The following MMP28 variants were observed in gnomAD, a reference collection of about 807,000 sequenced individuals.
MMP28 encodes the protein matrix metallopeptidase 28, also known as matrix metalloproteinase-28.
A neutral mutation model predicts 60.5 loss-of-function variants in MMP28; 55 were observed. The observed-to-expected ratio is 0.91, with a 90% CI of 0.73 to 1.14. The LOEUF is 1.14. MMP28 is among the 50% of genes most tolerant of loss of function. The probability of loss-of-function intolerance (pLI) is 0.00; values close to 1 mark genes in which losing one functional copy is unlikely to be tolerated. For synonymous variants in MMP28, 318 were observed against 312.5 expected (o/e 1.02, Z -0.18); for missense variants, 686 against 738.3 (o/e 0.93, Z 0.82).
chr17:35,779,977 G>A (rs1555608930), intron 1 of MMP28, among the ~76,000 whole-genome samples: 3 of 152,160 alleles, frequency 2.0e-5, no homozygotes, highest in Admixed American at 2.0e-4. Context: ...TGCTAGCTCT[G>A]CCATGGCTGG....
chr17:35,774,384 G>C (rs1269663101), intron 3 of MMP28, among the ~76,000 whole-genome samples: 3 of 152,186 alleles, frequency 2.0e-5, no homozygotes, highest in Non-Finnish European at 4.4e-5. Context: ...TGGTAACTGA[G>C]ACCTGAGACC....
intron 3 of MMP28, 167 bp downstream of exon 3, chr17:35,778,721 T>TCA: frequency 1.4e-6 from 2 of 1,436,788 alleles, no homozygotes; most frequent in South Asian, 2.9e-5. Context: ...AATGTCTGTA[T>TCA]TCACAATCAT....
At chr17:35,763,766 G>A (rs2085871993), downstream of MMP28, among the ~76,000 whole-genome samples, 1 of 151,846 alleles carries the variant, frequency 6.6e-6, no homozygotes, top group Non-Finnish European at 1.5e-5. Flanking sequence ...GCGCAGCGGG[G>A]CGTGCCTGTA....
At chr17:35,777,188 C>T (rs1187674196) in intron 3 of MMP28, among the ~76,000 whole-genome samples, 1 of 152,258 alleles carries the variant, frequency 6.6e-6, no homozygotes, top group Non-Finnish European at 1.5e-5. Flanking sequence ...TGGCCCAGGC[C>T]ACACAGCTGA....
chr17:35,788,895 G>C (rs981470718), intron 1 of MMP28, among the ~76,000 whole-genome samples: 3 of 152,264 alleles, frequency 2.0e-5, no homozygotes, highest in South Asian at 4.2e-4. Flanking sequence ...AATGGGAGTG[G>C]GGGACAGGGT....
At chr17:35,783,205 A>G (rs2086556638) in intron 1 of MMP28, among the ~76,000 whole-genome samples, 1 of 152,242 alleles carries the variant, frequency 6.6e-6, no homozygotes. Context: ...TTTATTCTTG[A>G]TCTTATTCAG....
chr17:35,778,735 C>T (rs2086405214), intron 3 of MMP28, 153 bp downstream of exon 3: 2 of 1,492,098 alleles, frequency 1.3e-6, no homozygotes, highest in Non-Finnish European at 8.9e-7. Context: ...CAATCATGGT[C>T]CTCAAGCCAA....
At chr17:35,759,476 CAGATTA>C (rs782299374) in intron 2 of MMP28, among the ~76,000 whole-genome samples, 48 of 152,118 alleles carry the variant, frequency 3.2e-4, no homozygotes, top group Non-Finnish European at 5.9e-4. Context: ...CCGAGACGGG[CAGATTA>C]CGACGTCAGG....
rs143842259 is a variant in MMP28 at position 35,775,941 on chromosome 17, C to T, written c.380-2537G>A. 9.8e-3 allele frequency among the ~76,000 whole-genome samples: 1,460 copies of T among 149,636 alleles called. 24 individuals are homozygous for T. Among genetic ancestry groups the T allele is most frequent in the African/African-American group, 0.034 (1,364 of 40,636 alleles). ...CAGGCTGGAGTGCAGTGGTGCCATC[C>T]GGGCTCACTGCAAGCTCTGCCTCCC... On this transcript the variant is annotated intron_variant, in intron 3 of 7. Transcript: ENST00000605424.
chr17:35,785,989 CTA>C (rs1176428211), intron 1 of MMP28, among the ~76,000 whole-genome samples: 1 of 151,784 alleles, frequency 6.6e-6, no homozygotes, highest in Non-Finnish European at 1.5e-5. Flanking sequence ...ATTTTTACCT[CTA>C]TGTTCATGGA....
chr17:35,766,092 T>G lies in MMP28; in HGVS notation c.*408A>C. 1.0e-6 allele frequency: 1 copy of G among 998,178 alleles called. No homozygotes were observed. Among genetic ancestry groups the G allele is most frequent in the Non-Finnish European group, 1.2e-6 (1 of 838,430 alleles). 61.8% of individuals were successfully genotyped at this position (998,178 alleles called of 1,614,324 possible). On this transcript the variant is annotated 3_prime_UTR_variant, in exon 8 of 8. Transcript: ENST00000605424. The surrounding 1 kb of genome is among the most constrained non-coding windows in gnomAD (Gnocchi z 4.3). ...TTTCAAGAACTGAGCCAGGGGGTCC[T>G]GAGGAGAAGGGCACAGTCTTGCAAA...
chr17:35,767,930 A>C lies in MMP28; in HGVS notation c.1001-11T>G. 6.4e-7 allele frequency: 1 copy of C among 1,565,856 alleles called. No homozygotes were observed. Among genetic ancestry groups the C allele is most frequent in the Non-Finnish European group, 8.7e-7 (1 of 1,155,908 alleles). On this transcript the variant is annotated splice_polypyrimidine_tract_variant and intron_variant, in intron 6 of 7. Transcript: ENST00000605424. ...GTTGCTGTTGCCTGTCTGCCCAGAG[A>C]CAAGAGAGAGTTGAGGAGTGACCAT...
downstream of MMP28, chr17:35,764,157 G>A (rs1555602148): frequency 1.3e-6 from 2 of 1,549,090 alleles, no homozygotes; most frequent in Admixed American, 2.0e-5. Flanking sequence ...GAGCCGCCGC[G>A]GGTAGCGGAG....
At chr17:35,773,754 A>G (rs1179017318) in intron 3 of MMP28, among the ~76,000 whole-genome samples, 1 of 152,192 alleles carries the variant, frequency 6.6e-6, no homozygotes, top group African/African-American at 2.4e-5. Flanking sequence ...TCTTCCCCAC[A>G]GCCTGGGCTG....
Position 35,766,036 on chromosome 17 carries a change from G to C in MMP28, c.*464C>G, listed in dbSNP as rs1555602971. On this transcript the variant is annotated 3_prime_UTR_variant, in exon 8 of 8. Coordinates refer to ENST00000605424, the MANE Select transcript of MMP28 (RefSeq NM_024302.5). This position sits in a 1 kb window ranked among gnomAD's most constrained non-coding sequence, Gnocchi z 4.3. ...TTCATCCCCATCCATGCTTCCTGGGGGTGGGGCCTCTGACTAAATATGACA... is the reference window on the plus strand; with the variant it reads ...TTCATCCCCATCCATGCTTCCTGGGCGTGGGGCCTCTGACTAAATATGACA... 1 of 985,286 alleles carries C rather than the reference G, an allele frequency of 1.0e-6. No individual in the cohort carries two copies. The highest frequency in any genetic ancestry group is 1.7e-5 in the African/African-American group (1 of 57,228). The allele number at this position is 985,286 out of a possible 1,614,324, so 61.0% of individuals were successfully genotyped here.
downstream of MMP28, chr17:35,764,021 T>A (rs200805689): frequency 4.4e-3 from 6,760 of 1,544,974 alleles, 15 homozygotes; most frequent in Non-Finnish European, 4.5e-3. Context: ...GAAGACCCCC[T>A]TGTGGAAGAA....
chr17:35,760,904 TCTCTGATCAG>T, downstream of MMP28: 2 of 1,612,776 alleles, frequency 1.2e-6, no homozygotes, highest in Non-Finnish European at 1.7e-6. Flanking sequence ...CACATCCCAG[TCTCTGATCAG>T]GGAAAGCAGG....
intron 1 of MMP28, among the ~76,000 whole-genome samples, chr17:35,781,784 T>C (rs577054131): frequency 4.6e-5 from 7 of 152,330 alleles, no homozygotes; most frequent in Non-Finnish European, 1.0e-4. Flanking sequence ...GTGTTACCTA[T>C]ACAGAAATAA....
downstream of MMP28, chr17:35,764,059 C>A (rs4795087): frequency 1.9e-6 from 3 of 1,549,182 alleles, no homozygotes; most frequent in African/African-American, 4.1e-5. Context: ...GGGCCGAGGA[C>A]GCGGAGCAAG....
Sources: allele counts gnomAD v4.1 joint callset (sites outside exome capture counted in the v4.1 genomes callset), GRCh38; gene constraint gnomAD v4.1.1; non-coding constraint Gnocchi (gnomAD v3.1); transcripts MANE v1.5; gene names NCBI Gene and HGNC (gene_info 2026-07-23, HGNC 2026-07-21).